The following CTNNA3 variants were observed in gnomAD, a reference collection of about 807,000 sequenced individuals.
CTNNA3 encodes the protein catenin alpha-3.
A neutral mutation model predicts 95.7 loss-of-function variants in CTNNA3; 76 were observed. That is an observed-to-expected ratio of 0.79 (90% CI 0.66 to 0.96). CTNNA3 has a LOEUF of 0.96. Ranked by LOEUF, CTNNA3 falls within the 40% of genes least tolerant of loss-of-function variation. The pLI, the probability that CTNNA3 is intolerant of heterozygous loss-of-function variation, is 0.00. For missense variants in CTNNA3, 1,191 were observed against 1,089.8 expected (o/e 1.09, Z -1.31); for synonymous variants, 431 against 374.4 (o/e 1.15, Z -1.74).
chr10:67,129,782 C>T (rs1859900899), intron 7 of CTNNA3, among the ~76,000 whole-genome samples: 1 of 152,110 alleles, frequency 6.6e-6, no homozygotes, highest in South Asian at 2.1e-4. Flanking sequence ...AGACCTCACT[C>T]CATTCAAACA....
chr10:66,321,229 T>C (rs1158535086), intron 12 of CTNNA3, among the ~76,000 whole-genome samples: 1 of 151,960 alleles, frequency 6.6e-6, no homozygotes. Context: ...TGAAAAAAAA[T>C]AGTTATAACA....
At chr10:67,500,072 G>A (rs1307616074) in intron 5 of CTNNA3, among the ~76,000 whole-genome samples, 1 of 152,092 alleles carries the variant, frequency 6.6e-6, no homozygotes, top group Non-Finnish European at 1.5e-5. Flanking sequence ...GGCATTTAGT[G>A]CTATAAATTT....
At chr10:66,799,070 T>C (rs572445826) in intron 7 of CTNNA3, among the ~76,000 whole-genome samples, 1 of 151,618 alleles carries the variant, frequency 6.6e-6, no homozygotes, top group African/African-American at 2.4e-5. Flanking sequence ...AAATGGGACC[T>C]AACCCAAGCT....
intron 14 of CTNNA3, among the ~76,000 whole-genome samples, chr10:66,087,663 T>C (rs2081041514): frequency 6.6e-6 from 1 of 152,150 alleles, no homozygotes; most frequent in South Asian, 2.1e-4. Context: ...TTGTTTTCAG[T>C]CATTTTTAAC....
At chr10:66,004,562 TA>T (rs2078841096) in intron 15 of CTNNA3, among the ~76,000 whole-genome samples, 1 of 152,188 alleles carries the variant, frequency 6.6e-6, no homozygotes, top group African/African-American at 2.4e-5. Context: ...CCATTAATGT[TA>T]GCTGAGAAAC....
intron 9 of CTNNA3, among the ~76,000 whole-genome samples, chr10:66,661,657 A>C (rs922388729): frequency 1.3e-5 from 2 of 152,136 alleles, no homozygotes; most frequent in African/African-American, 2.4e-5. Flanking sequence ...ACAAAACAAA[A>C]ACAAAATAAA....
intron 7 of CTNNA3, among the ~76,000 whole-genome samples, chr10:67,053,470 G>T (rs1165452895): frequency 6.6e-6 from 1 of 152,102 alleles, no homozygotes; most frequent in Non-Finnish European, 1.5e-5. Flanking sequence ...GATTATATTT[G>T]CCAGGCTGCC....
chr10:66,776,179 C>T (rs545289023), intron 7 of CTNNA3, among the ~76,000 whole-genome samples: 23 of 152,236 alleles, frequency 1.5e-4, no homozygotes, highest in Admixed American at 1.4e-3. Flanking sequence ...TAGAGAGTCA[C>T]CTTGGTTGGT....
At chr10:67,744,331 C>T (rs1841361085) in intron 1 of CTNNA3, among the ~76,000 whole-genome samples, 1 of 151,122 alleles carries the variant, frequency 6.6e-6, no homozygotes. Context: ...CAGACCAGAG[C>T]CCTCAGAAAT....
intron 13 of CTNNA3, among the ~76,000 whole-genome samples, chr10:66,207,036 A>G (rs1180704284): frequency 6.6e-6 from 1 of 151,934 alleles, no homozygotes; most frequent in Non-Finnish European, 1.5e-5. Context: ...GCCATGTAGC[A>G]TCTCAGAACT....
chr10:67,135,614 G>T (rs920907703), intron 7 of CTNNA3, among the ~76,000 whole-genome samples: 1 of 152,112 alleles, frequency 6.6e-6, no homozygotes, highest in African/African-American at 2.4e-5. Context: ...ATTCAAGGTT[G>T]CAGTGAACTA....
At chr10:66,141,291 G>T (rs774540121) in intron 13 of CTNNA3, among the ~76,000 whole-genome samples, 25 of 150,140 alleles carry the variant, frequency 1.7e-4, no homozygotes, top group Non-Finnish European at 2.8e-4. Context: ...AAGAAAGAAA[G>T]AAAAATTTCT....
intron 7 of CTNNA3, among the ~76,000 whole-genome samples, chr10:66,829,190 G>C (rs902658462): frequency 1.3e-5 from 2 of 152,184 alleles, no homozygotes; most frequent in Non-Finnish European, 2.9e-5. Flanking sequence ...TCTAAGGGCT[G>C]TTAATAGATA....
At chr10:66,260,720 T>C (rs2090966223) in intron 13 of CTNNA3, among the ~76,000 whole-genome samples, 1 of 152,176 alleles carries the variant, frequency 6.6e-6, no homozygotes, top group African/African-American at 2.4e-5. Flanking sequence ...TAAAAGTGTA[T>C]GCAATGTCCT....
chr10:67,530,338 G>C (rs1004056628), intron 4 of CTNNA3, among the ~76,000 whole-genome samples: 6 of 152,220 alleles, frequency 3.9e-5, no homozygotes, highest in Admixed American at 2.0e-4. Context: ...GAATGGCTTT[G>C]CCCAAAATGC....
intron 13 of CTNNA3, among the ~76,000 whole-genome samples, chr10:66,143,736 C>T (rs2083731076): frequency 1.3e-5 from 2 of 152,118 alleles, no homozygotes; most frequent in Admixed American, 1.3e-4. Flanking sequence ...CAAAGTAATA[C>T]CTTAACCGCA....
At chr10:67,308,444 C>T (rs918706088) in intron 5 of CTNNA3, among the ~76,000 whole-genome samples, 1 of 152,182 alleles carries the variant, frequency 6.6e-6, no homozygotes, top group Non-Finnish European at 1.5e-5. Flanking sequence ...TCCTCCTTCA[C>T]CTTCTGCCAT....
chr10:66,480,092 C>T (rs1839467588), intron 11 of CTNNA3, among the ~76,000 whole-genome samples: 2 of 152,000 alleles, frequency 1.3e-5, no homozygotes, highest in Non-Finnish European at 2.9e-5. Flanking sequence ...ATTTAGAAAA[C>T]AATCCCAAAT....
chr10:66,586,459 C>T (rs996224644), intron 10 of CTNNA3, among the ~76,000 whole-genome samples: 11 of 152,130 alleles, frequency 7.2e-5, no homozygotes, highest in African/African-American at 2.7e-4. Context: ...AGTCACACTG[C>T]TGACCTGGTG....
Sources: gnomAD v4.1 joint callset for allele counts (sites outside exome capture counted in the v4.1 genomes callset) on GRCh38, gnomAD v4.1.1 for gene constraint, MANE v1.5 for transcripts, NCBI Gene and HGNC (gene_info 2026-07-23, HGNC 2026-07-21) for gene names.